The following LEKR1 variants were observed in gnomAD, a reference collection of about 807,000 sequenced individuals.
The protein encoded by LEKR1 is leucine, glutamate and lysine rich 1, also known as protein LEKR1.
Under a neutral mutation model 72.4 loss-of-function variants are expected in LEKR1, and 59 were observed. The observed-to-expected ratio is 0.82, with a 90% CI of 0.66 to 1.01. The LOEUF (loss-of-function observed/expected upper bound fraction) is 1.01, where lower values mean the gene tolerates loss of function less well. Ranked by LOEUF, LEKR1 falls within the 50% of genes least tolerant of loss-of-function variation. The pLI, the probability that LEKR1 is intolerant of heterozygous loss-of-function variation, is 0.00. For synonymous variants in LEKR1, 257 were observed against 263.2 expected (o/e 0.98, Z 0.23); for missense variants, 728 against 759.2 (o/e 0.96, Z 0.48).
chr3:156,832,220 C>T (rs1005350942), intron 2 of LEKR1, among the ~76,000 whole-genome samples: 1 of 131,526 alleles, frequency 7.6e-6, no homozygotes, highest in African/African-American at 3.9e-5. Flanking sequence ...TGAGCCCCAA[C>T]ATAAGGAGAG....
chr3:156,947,467 A>G (rs1351032372), intron 6 of LEKR1, among the ~76,000 whole-genome samples: 3 of 151,194 alleles, frequency 2.0e-5, no homozygotes, highest in African/African-American at 7.3e-5. Flanking sequence ...ACCCATCCTA[A>G]CTTGAAAATA....
intron 3 of LEKR1, among the ~76,000 whole-genome samples, chr3:156,866,470 C>T (rs1009488345): frequency 6.6e-6 from 1 of 151,970 alleles, no homozygotes; most frequent in South Asian, 2.1e-4. Flanking sequence ...TTAAGAAAGA[C>T]AGAAGAATTC....
intron 6 of LEKR1, among the ~76,000 whole-genome samples, chr3:156,954,038 A>G (rs1484535633): frequency 1.3e-5 from 2 of 151,914 alleles, no homozygotes; most frequent in Non-Finnish European, 2.9e-5. Context: ...TTGTTTCTTG[A>G]CTTTTTAATA....
Position 156,993,085 on chromosome 3 carries a change from T to C in LEKR1, c.917T>C (p.Leu306Pro), listed in dbSNP as rs372841856. ...SIISESQHTM[L>P]LKEKEDSLMT... is the part of the protein sequence containing the mutation. Reference sequence around the variant, plus strand: ...CTATTTCTTTTTAGGCATACTATGCTGCTTAAGGAAAAAGAAGACTCTTTA... The same window carrying C: ...CTATTTCTTTTTAGGCATACTATGCCGCTTAAGGAAAAAGAAGACTCTTTA... The change falls in exon 9 of 13, where the codon CTG becomes CCG. Residue 306 changes from leucine (L) to proline (P), a missense_variant. Leu to Pro is a moderately conservative substitution (Grantham distance 98). Coordinates refer to ENST00000356539, the MANE Select transcript of LEKR1 (RefSeq NM_001004316.3). 2.3e-5 allele frequency: 36 copies of C among 1,593,360 alleles called. No homozygotes were observed. The African/African-American group carries it at 3.0e-4, about 13-fold the overall frequency.
intron 6 of LEKR1, among the ~76,000 whole-genome samples, chr3:156,961,667 G>A (rs897474479): frequency 3.3e-5 from 5 of 152,134 alleles, no homozygotes; most frequent in African/African-American, 1.2e-4. Flanking sequence ...GAGTGATGTG[G>A]TTCAGTTGGA....
At chr3:156,980,085 C>T (rs1012934643) in intron 7 of LEKR1, 1 of 152,006 alleles carries the variant, frequency 6.6e-6, no homozygotes, top group Non-Finnish European at 1.5e-5. Context: ...CATAGTATAT[C>T]TATAATTATA....
intron 2 of LEKR1, among the ~76,000 whole-genome samples, chr3:156,840,138 A>G (rs1052648111): frequency 1.3e-5 from 2 of 152,168 alleles, no homozygotes; most frequent in African/African-American, 4.8e-5. Context: ...AGCTTACTTT[A>G]TAAAATATGC....
rs980010608 is a variant in LEKR1 at position 156,852,726 on chromosome 3, C to T, written c.49-42C>T. The T allele has an allele frequency of 2.4e-5, 25 of 1,061,898 alleles. No homozygotes were observed. The African/African-American group carries it at 4.9e-4, about 21-fold the overall frequency. 65.8% of individuals were successfully genotyped at this position (1,061,898 alleles called of 1,614,324 possible). The stretch of plus-strand genomic sequence containing the variant: ...ATATCTTCAGTTGAACTTGTTTTTT[C>T]AGAATTAAAAAAATTTGGTAAGTGT... On this transcript the variant is annotated intron_variant, in intron 2 of 12. Coordinates refer to ENST00000356539, the MANE Select transcript of LEKR1 (RefSeq NM_001004316.3).
At chr3:157,034,102 G>GATGCATT (rs1158367600) in intron 12 of LEKR1, among the ~76,000 whole-genome samples, 4 of 151,940 alleles carry the variant, frequency 2.6e-5, no homozygotes, top group African/African-American at 9.6e-5. Flanking sequence ...CAATGCATCT[G>GATGCATT]GTCACCCAAG....
In LEKR1 at chr3:156,999,465, G is replaced by A. The variant is rs187060447; in HGVS notation, c.1109+6188G>A. 3.2e-4 allele frequency among the ~76,000 whole-genome samples: 48 copies of A among 151,800 alleles called. No individual in the cohort carries two copies. The East Asian group carries it at 9.3e-3, about 29-fold the overall frequency. ...CTCAAGCTCTTTCACCTATCCGCAG[G>A]TTTCACAATGAGGAGCCCTCTAAGT... On this transcript the variant is annotated intron_variant, in intron 9 of 12. Transcript: ENST00000356539.
At chr3:156,944,608 C>T (rs984757747) in intron 6 of LEKR1, among the ~76,000 whole-genome samples, 8 of 151,758 alleles carry the variant, frequency 5.3e-5, no homozygotes, top group African/African-American at 1.9e-4. Flanking sequence ...CCATTCTATT[C>T]TCTATTGCCA....
intron 7 of LEKR1, chr3:156,980,113 A>G (rs1446619356): frequency 6.6e-6 from 1 of 152,200 alleles, no homozygotes; most frequent in Non-Finnish European, 1.5e-5. Flanking sequence ...AATAGTATGT[A>G]TATAATCTTT....
intron 6 of LEKR1, among the ~76,000 whole-genome samples, chr3:156,977,115 A>G (rs1272246283): frequency 2.6e-5 from 4 of 152,140 alleles, no homozygotes; most frequent in Admixed American, 2.6e-4. Flanking sequence ...GCCCATGATG[A>G]AAAATACTCA....
intron 6 of LEKR1, among the ~76,000 whole-genome samples, chr3:156,962,240 G>A (rs1212786377): frequency 6.6e-6 from 1 of 152,206 alleles, no homozygotes; most frequent in Admixed American, 6.5e-5. Context: ...CAGCCTTTAT[G>A]ATTCCTTTTG....
At chr3:156,911,584 T>G (rs1723112714) in intron 3 of LEKR1, among the ~76,000 whole-genome samples, 1 of 152,118 alleles carries the variant, frequency 6.6e-6, no homozygotes, top group African/African-American at 2.4e-5. Context: ...GAAAAACTGA[T>G]GTTGAGAAGG....
chr3:156,828,363 G>A (rs532135969), intron 1 of LEKR1, among the ~76,000 whole-genome samples: 38 of 152,232 alleles, frequency 2.5e-4, no homozygotes, highest in Admixed American at 2.4e-3. Context: ...TCAAAATCCT[G>A]CCCTGATTGA....
chr3:157,020,053 C>A (rs1045397312), intron 10 of LEKR1, among the ~76,000 whole-genome samples: 1 of 152,080 alleles, frequency 6.6e-6, no homozygotes, highest in Non-Finnish European at 1.5e-5. Flanking sequence ...AGTGCTTGTT[C>A]TTTCCCACTG....
chr3:157,030,525 T>TA (rs1300236769), intron 12 of LEKR1, among the ~76,000 whole-genome samples: 2 of 152,108 alleles, frequency 1.3e-5, no homozygotes, highest in Admixed American at 6.6e-5. Context: ...GAATTTATCA[T>TA]AAAAAAAGCA....
rs1359512958 is a variant in LEKR1 at position 156,920,555 on chromosome 3, A to G, written c.264-20A>G. 4 of 1,402,962 alleles carry G rather than the reference A, an allele frequency of 2.9e-6. No homozygotes were observed. The African/African-American group carries it at 5.8e-5, about 20-fold the overall frequency. 86.9% of individuals were successfully genotyped at this position (1,402,962 alleles called of 1,614,324 possible). ...GTACATATGAGAGAATACTTAAGGA[A>G]TGTTTGTTTATATTTTTAGAATTTA... is the stretch of plus-strand genomic sequence containing the variant. On this transcript the variant is annotated intron_variant, in intron 3 of 12. Coordinates refer to ENST00000356539, the MANE Select transcript of LEKR1 (RefSeq NM_001004316.3).
Sources: allele counts gnomAD v4.1 joint callset (sites outside exome capture counted in the v4.1 genomes callset), GRCh38; gene constraint gnomAD v4.1.1; transcripts MANE v1.5; gene names NCBI Gene and HGNC (gene_info 2026-07-23, HGNC 2026-07-21).